Variants in LIMCH1 observed in about 807,000 individuals in gnomAD.
LIMCH1 encodes the protein LIM and calponin homology domains-containing protein 1.
LIMCH1 carries 113 observed loss-of-function variants against 176.5 expected under a neutral mutation model. The observed-to-expected ratio is 0.64, with a 90% CI of 0.55 to 0.75. The LOEUF is 0.75. Ranked by LOEUF, LIMCH1 falls within the 30% of genes least tolerant of loss-of-function variation. LIMCH1 has a pLI of 0.00. For synonymous variants in LIMCH1, 619 were observed against 645.9 expected (o/e 0.96, Z 0.63); for missense variants, 1,674 against 1,814.9 (o/e 0.92, Z 1.41).
intron 2 of LIMCH1, chr4:41,494,706 A>C: frequency 1.2e-6 from 1 of 818,462 alleles, no homozygotes; most frequent in South Asian, 1.8e-5. Context: ...GAATTTATTC[A>C]CAGTTTGAAT....
At chr4:41,611,927 GCTTTT>G (rs1361653622) in intron 4 of LIMCH1, among the ~76,000 whole-genome samples, 2 of 152,116 alleles carry the variant, frequency 1.3e-5, no homozygotes, top group Non-Finnish European at 2.9e-5. Context: ...GTCAGGCCTG[GCTTTT>G]GTTCAAGTCC....
chr4:41,402,458 C>T lies in LIMCH1; in HGVS notation c.96+41522C>T, dbSNP rs1212294186. On this transcript the variant is annotated intron_variant, in intron 1 of 26. Transcript: ENST00000313860. ...CTAGAACTAGAAATACCATTTGACC[C>T]AGCCATCCCATTACTGGGTATATAC... 1.1e-3 allele frequency among the ~76,000 whole-genome samples: 167 copies of T among 147,644 alleles called. 1 individual carries two copies. Among genetic ancestry groups the T allele is most frequent in the Non-Finnish European group, 3.4e-4 (23 of 67,094 alleles).
intron 1 of LIMCH1, among the ~76,000 whole-genome samples, chr4:41,401,563 G>A (rs1222615489): frequency 2.0e-5 from 3 of 152,030 alleles, no homozygotes; most frequent in Non-Finnish European, 2.9e-5. Context: ...TTCCAATTCT[G>A]TGAAGAAAGT....
chr4:41,366,557 G>A (rs1399447837), intron 1 of LIMCH1, among the ~76,000 whole-genome samples: 1 of 152,114 alleles, frequency 6.6e-6, no homozygotes, highest in Non-Finnish European at 1.5e-5. Context: ...TGACTTCAGT[G>A]CTATTAAATC....
intron 1 of LIMCH1, among the ~76,000 whole-genome samples, chr4:41,547,897 A>ATATATATATATATATATAT (rs56354382): frequency 1.4e-5 from 2 of 141,934 alleles, no homozygotes; most frequent in African/African-American, 5.2e-5. Context: ...ATATATATAT[A>ATATATATATATATATATAT]AACAGTGAGT....
At chr4:41,643,588 G>A (rs2093926388) in intron 14 of LIMCH1, among the ~76,000 whole-genome samples, 2 of 152,260 alleles carry the variant, frequency 1.3e-5, no homozygotes, top group African/African-American at 4.8e-5. Flanking sequence ...CTATGGTCTT[G>A]CACAACATTT....
At chr4:41,599,960 T>G (rs1471768506) in intron 2 of LIMCH1, among the ~76,000 whole-genome samples, 2 of 152,174 alleles carry the variant, frequency 1.3e-5, no homozygotes, top group African/African-American at 4.8e-5. Flanking sequence ...ACTATTTGCT[T>G]GATTTTTTGT....
chr4:41,528,323 CA>C (rs1186294760), intron 3 of LIMCH1, among the ~76,000 whole-genome samples: 1 of 152,156 alleles, frequency 6.6e-6, no homozygotes, highest in East Asian at 1.9e-4. Context: ...ACTATTCTTG[CA>C]ACCTTTTGGT....
intron 1 of LIMCH1, among the ~76,000 whole-genome samples, chr4:41,581,805 CAAAAA>C (rs56150312): frequency 1.3e-5 from 1 of 76,186 alleles, no homozygotes; most frequent in South Asian, 4.8e-4. Flanking sequence ...GACTCTGTCT[CAAAAA>C]AAAAAAAAAA....
intron 1 of LIMCH1, among the ~76,000 whole-genome samples, chr4:41,418,491 C>G (rs189907655): frequency 2.5e-4 from 38 of 152,262 alleles, no homozygotes; most frequent in Non-Finnish European, 5.0e-4. Flanking sequence ...TGTTTATGTG[C>G]CAGTGAAGTC....
At chr4:41,451,014 A>T (rs941802442) in intron 1 of LIMCH1, among the ~76,000 whole-genome samples, 1 of 152,170 alleles carries the variant, frequency 6.6e-6, no homozygotes, top group African/African-American at 2.4e-5. Flanking sequence ...ATTACCACCA[A>T]GGTCTCCTTT....
chr4:41,500,039 T>C (rs917727761), intron 2 of LIMCH1, among the ~76,000 whole-genome samples: 8 of 152,230 alleles, frequency 5.3e-5, no homozygotes, highest in South Asian at 2.1e-4. Flanking sequence ...TAGACAGTTA[T>C]AGCAAGACCA....
At chr4:41,533,474 C>T (rs570808458), upstream of LIMCH1, among the ~76,000 whole-genome samples, 1 of 152,256 alleles carries the variant, frequency 6.6e-6, no homozygotes, top group Admixed American at 6.5e-5. Context: ...GCTTATAGGA[C>T]TTTAAAGATA....
intron 16 of LIMCH1, 26 bp from the exon 17 acceptor site, chr4:41,646,459 G>T (rs756499804): frequency 6.3e-7 from 1 of 1,597,096 alleles, no homozygotes; most frequent in East Asian, 2.2e-5. Flanking sequence ...AGTTGACTTT[G>T]TTATTGCTTC....
chr4:41,631,301 G>A lies in LIMCH1; in HGVS notation c.1425G>A (p.Thr475=), dbSNP rs760175725. The change falls in exon 10 of 32, where the codon ACG becomes ACA. Residue 475 remains threonine, a synonymous_variant. Coordinates refer to ENST00000503057, the MANE Select transcript of LIMCH1 (RefSeq NM_001330672.2). ...RQKFVHFGPV[T]ELDQQKWKRL... ...AGTTTGTGCACTTTGGGCCAGTGAC[G>A]GAGCTAGATCAGCAGAAATGGAAGC... is the stretch of plus-strand genomic sequence containing the variant. The A allele has an allele frequency of 1.6e-5, 24 of 1,535,964 alleles. No individual in the cohort carries two copies. Among genetic ancestry groups the A allele is most frequent in the South Asian group, 9.5e-5 (8 of 84,058 alleles).
At position 41,524,563 on chromosome 4, in the gene LIMCH1, C is replaced by G. The variant is rs901226417; in HGVS notation, c.237+85C>G. The G allele has an allele frequency of 6.3e-6, 6 of 956,156 alleles. No individual in the cohort carries two copies. In the Admixed American group the frequency reaches 1.0e-4, roughly 16 times the overall value. 59.2% of individuals were successfully genotyped at this position (956,156 alleles called of 1,614,324 possible). The stretch of plus-strand genomic sequence containing the variant: ...TGACAGCACCATTTATTACAGTTCT[C>G]TCCTGCAATATATATTCCACTTGAA... On this transcript the variant is annotated intron_variant, in intron 3 of 26. Transcript: ENST00000313860.
intron 1 of LIMCH1, among the ~76,000 whole-genome samples, chr4:41,585,601 A>T (rs2086297516): frequency 6.6e-6 from 1 of 152,188 alleles, no homozygotes; most frequent in Admixed American, 6.5e-5. Context: ...TAACTTTTTG[A>T]GGAAACATCA....
intron 1 of LIMCH1, among the ~76,000 whole-genome samples, chr4:41,461,374 T>G (rs563994889): frequency 7.9e-5 from 12 of 152,372 alleles, no homozygotes; most frequent in African/African-American, 2.9e-4. Context: ...TAAAAACGAC[T>G]AAAGAGGTTT....
intron 1 of LIMCH1, among the ~76,000 whole-genome samples, chr4:41,451,362 GTAAT>G: frequency 6.6e-6 from 1 of 152,092 alleles, no homozygotes; most frequent in East Asian, 1.9e-4. Context: ...CTGACCTCAG[GTAAT>G]CTGCCTGCCT....
Sources: allele counts gnomAD v4.1 joint callset (sites outside exome capture counted in the v4.1 genomes callset), GRCh38; gene constraint gnomAD v4.1.1; transcripts MANE v1.5; gene names NCBI Gene and HGNC (gene_info 2026-07-23, HGNC 2026-07-21).